PLXDC1: variants seen among roughly 807,000 people sequenced by gnomAD.
PLXDC1 encodes plexin domain containing 1.
PLXDC1 carries 39 observed loss-of-function variants against 61.3 expected under a neutral mutation model. That is an observed-to-expected ratio of 0.64 (90% CI 0.49 to 0.83). PLXDC1 has a LOEUF of 0.83. Ranked by LOEUF, PLXDC1 falls within the 40% of genes least tolerant of loss-of-function variation. The probability of loss-of-function intolerance (pLI) is 0.00; values close to 1 mark genes in which losing one functional copy is unlikely to be tolerated. For missense variants in PLXDC1, 596 were observed against 666.5 expected (o/e 0.89, Z 1.17); for synonymous variants, 212 against 254.5 (o/e 0.83, Z 1.59).
chr17:39,079,437 A>T (rs1219154099), intron 9 of PLXDC1: 1 of 535,358 alleles, frequency 1.9e-6, no homozygotes, highest in Admixed American at 2.2e-5. Flanking sequence ...AGCTCCAGTG[A>T]TCCTCAAGGT....
upstream of PLXDC1, chr17:39,152,909 C>T: frequency 2.7e-6 from 1 of 373,474 alleles, no homozygotes. Context: ...AGCCCTAAAC[C>T]CAATGTCCCC....
At chr17:39,100,244 CT>C (rs1268337147) in intron 7 of PLXDC1, among the ~76,000 whole-genome samples, 1 of 151,834 alleles carries the variant, frequency 6.6e-6, no homozygotes, top group African/African-American at 2.4e-5. Flanking sequence ...CACTTTTTTT[CT>C]TTTTTTTGAG....
chr17:39,110,406 G>A (rs943235060), intron 2 of PLXDC1, among the ~76,000 whole-genome samples: 2 of 152,218 alleles, frequency 1.3e-5, no homozygotes, highest in Admixed American at 6.5e-5. Flanking sequence ...ATGGGCTGGG[G>A]GTTCATTCTG....
chr17:39,078,302 T>C (rs747492811), intron 10 of PLXDC1, among the ~76,000 whole-genome samples: 1 of 152,190 alleles, frequency 6.6e-6, no homozygotes, highest in Non-Finnish European at 1.5e-5. Flanking sequence ...GGTAAGTGTA[T>C]GGCCACAGGG....
rs536378885 is a variant in PLXDC1, at chr17:39,064,947, G to A, written c.*2893C>T. On this transcript the variant is annotated 3_prime_UTR_variant, in exon 14 of 14. Transcript: ENST00000315392. ...TGTGTGTGTCTCAAATGGCCAGTGG[G>A]GCAGTTCCTGCTGTGGCCTGATTCC... 1 of 152,298 alleles carries A rather than the reference G, an allele frequency of 6.6e-6. No homozygotes were observed. Among genetic ancestry groups the A allele is most frequent in the East Asian group, 1.9e-4 (1 of 5,186 alleles). 9.4% of individuals were successfully genotyped at this position (152,298 alleles called of 1,614,324 possible). A position where few individuals can be genotyped will look rare whatever the true frequency, so the allele number is the denominator to read the frequency against.
At chr17:39,140,735 A>T (rs563787989) in intron 1 of PLXDC1, among the ~76,000 whole-genome samples, 4 of 152,238 alleles carry the variant, frequency 2.6e-5, no homozygotes, top group Admixed American at 1.3e-4. Flanking sequence ...ATGGCACATA[A>T]TCCTATTTCC....
chr17:39,152,777 AAAAAAAAG>A, upstream of PLXDC1: 4 of 879,750 alleles, frequency 4.5e-6, no homozygotes, highest in Non-Finnish European at 4.5e-6. Context: ...GGTTAAAAAA[AAAAAAAAG>A]AAAAGAAAAG....
chr17:39,128,185 GTGTGTA>G (rs1911411803), intron 2 of PLXDC1, among the ~76,000 whole-genome samples: 3 of 95,900 alleles, frequency 3.1e-5, no homozygotes, highest in Non-Finnish European at 4.5e-5. Flanking sequence ...ATATATATAT[GTGTGTA>G]TATATATGTA....
rs759392734 is a variant in PLXDC1, at chr17:39,109,206, C to T, written c.399+42G>A. The stretch of plus-strand genomic sequence containing the variant: ...CAGGCAGGGTGGTTTGGCCCCCGGC[C>T]TCCCAGCACAGGGAAGCATGGCTGG... On this transcript the variant is annotated intron_variant, in intron 3 of 13. Coordinates refer to ENST00000315392, the MANE Select transcript of PLXDC1 (RefSeq NM_020405.5). 4.4e-6 allele frequency: 7 copies of T among 1,580,538 alleles called. No homozygotes were observed. In the African/African-American group the frequency reaches 9.5e-5, roughly 21 times the overall value.
intron 2 of PLXDC1, chr17:39,131,713 C>A (rs1370033063): frequency 6.5e-6 from 1 of 152,920 alleles, no homozygotes; most frequent in Non-Finnish European, 1.5e-5. Context: ...TCCACCCACC[C>A]CCCAACTCTG....
chr17:39,088,967 G>GAA (rs1179122288), intron 7 of PLXDC1, among the ~76,000 whole-genome samples: 2 of 120,724 alleles, frequency 1.7e-5, no homozygotes, highest in African/African-American at 6.0e-5. Flanking sequence ...AAAAAAAAGA[G>GAA]AGAGAGAGAA....
chr17:39,129,276 C>T (rs1184789124), intron 2 of PLXDC1, among the ~76,000 whole-genome samples: 14 of 148,880 alleles, frequency 9.4e-5, no homozygotes, highest in Non-Finnish European at 8.9e-5. Flanking sequence ...CAAGATCATG[C>T]CATTGCACTC....
intron 2 of PLXDC1, among the ~76,000 whole-genome samples, chr17:39,128,103 A>ATATGTATATATATGTATATATATG (rs1388209830): frequency 1.2e-5 from 1 of 84,902 alleles, no homozygotes; most frequent in African/African-American, 5.0e-5. Flanking sequence ...ATGTGTATAT[A>ATATGTATATATATGTATATATATG]TATATATATA....
rs1049133476 is a variant in PLXDC1, at chr17:39,066,354, GAAGTT to G, written c.*1481_*1485del. 8 of 152,272 alleles carry G rather than the reference GAAGTT, an allele frequency of 5.3e-5. No homozygotes were observed. The highest frequency in any genetic ancestry group is 1.9e-4 in the African/African-American group (8 of 41,472). 9.4% of individuals were successfully genotyped at this position (152,272 alleles called of 1,614,324 possible). On this transcript the variant is annotated 3_prime_UTR_variant, in exon 14 of 14. Coordinates refer to ENST00000315392, the MANE Select transcript of PLXDC1 (RefSeq NM_020405.5). ...GCAGGCTGTAACATGTTTTGATGCA[GAAGTT>G]ATTGGTTCTGAGTAGAAAGGGCAAG...
rs138247127 is a variant in PLXDC1, at chr17:39,106,250, C to T, written c.712-297G>A. On this transcript the variant is annotated intron_variant, in intron 6 of 13. Coordinates refer to ENST00000315392, the MANE Select transcript of PLXDC1 (RefSeq NM_020405.5). ...TTCCCTTCCCCATCTAATGCATCTCCGAATTCTGTTGCTTAACCTGCTAAG... is the reference window on the plus strand; with the variant it reads ...TTCCCTTCCCCATCTAATGCATCTCTGAATTCTGTTGCTTAACCTGCTAAG... 1.5e-4 allele frequency among the ~76,000 whole-genome samples: 23 copies of T among 152,238 alleles called. No individual in the cohort carries two copies. The East Asian group carries it at 4.2e-3, about 28-fold the overall frequency.
At position 39,063,565 on chromosome 17, in the gene PLXDC1, G is replaced by C; in HGVS notation, c.*4275C>G. Reference sequence around the variant, plus strand: ...AACCAAGGTATGTGTGGTGATCTTCGGAATGCCACTCCAAATCCTTTGCAC... The same window carrying C: ...AACCAAGGTATGTGTGGTGATCTTCCGAATGCCACTCCAAATCCTTTGCAC... On this transcript the variant is annotated 3_prime_UTR_variant, in exon 14 of 14. Coordinates refer to ENST00000315392, the MANE Select transcript of PLXDC1 (RefSeq NM_020405.5). The C allele has an allele frequency of 1.4e-6, 1 of 693,670 alleles. No individual in the cohort carries two copies. The allele number at this position is 693,670 out of a possible 1,614,324, so 43.0% of individuals were successfully genotyped here.
Position 39,139,821 on chromosome 17 carries a change from C to T in PLXDC1, c.88G>A (p.Gly30Ser), listed in dbSNP as rs2143939202. 1.9e-6 allele frequency: 3 copies of T among 1,604,096 alleles called. No homozygotes were observed. The highest frequency in any genetic ancestry group is 2.2e-5 in the East Asian group (1 of 44,612). Residue 30 changes from glycine to serine, a missense_variant, in exon 2 of 14, where the codon GGC becomes AGC. By Grantham distance (56) the Gly-to-Ser change is moderately conservative. Transcript: ENST00000315392. ...TTGGCAGCCCATCCAGAGCCTGGGC[C>T]CTCATCGTGACCTGGGAGAAGGGGA... ...SPQPGAGHDE[G>S]PGSGWAAKGT...
rs1909868169 is a variant in PLXDC1, at chr17:39,089,440, C to T, written c.812-1738G>A. Among the ~76,000 whole-genome samples the T allele has an allele frequency of 2.0e-5, 3 of 152,182 alleles. No homozygotes were observed. The South Asian group carries it at 6.2e-4, about 31-fold the overall frequency. On this transcript the variant is annotated intron_variant, in intron 7 of 13. Transcript: ENST00000315392. ...CATGGGGAAAGGCAGAGAATGAAGC[C>T]ACCTCATGGAGAGAAACAGGAAGTG... is the stretch of plus-strand genomic sequence containing the variant.
At chr17:39,133,146 G>A (rs1007300708) in intron 2 of PLXDC1, among the ~76,000 whole-genome samples, 2 of 152,100 alleles carry the variant, frequency 1.3e-5, no homozygotes, top group African/African-American at 4.8e-5. Context: ...CACCTGTGCC[G>A]GACTCCCAGC....
Sources: gnomAD v4.1 joint callset for allele counts (sites outside exome capture counted in the v4.1 genomes callset) on GRCh38, gnomAD v4.1.1 for gene constraint, MANE v1.5 for transcripts, NCBI Gene and HGNC (gene_info 2026-07-23, HGNC 2026-07-21) for gene names.